GRHL2: variants seen among roughly 807,000 people sequenced by gnomAD.
GRHL2 encodes grainyhead like transcription factor 2, also known as grainyhead-like protein 2 homolog.
Under a neutral mutation model 83.8 loss-of-function variants are expected in GRHL2, and 21 were observed. The observed-to-expected ratio is 0.25, with a 90% CI of 0.18 to 0.36. The LOEUF is 0.36. GRHL2 is among the 10% of genes least tolerant of loss of function. The pLI is 1.00. For synonymous variants in GRHL2, 280 were observed against 278.9 expected (o/e 1.00, Z -0.04); for missense variants, 623 against 781.8 (o/e 0.80, Z 2.42).
chr8:101,671,324 T>G (rs1714761394), downstream of GRHL2, among the ~76,000 whole-genome samples: 1 of 152,148 alleles, frequency 6.6e-6, no homozygotes. Context: ...ATACTGTGCT[T>G]TTCCAATGGG....
intron 5 of GRHL2, 39 bp from the exon 6 acceptor site, chr8:101,573,629 A>G (rs756193268): frequency 1.2e-6 from 2 of 1,613,370 alleles, no homozygotes; most frequent in Non-Finnish European, 1.7e-6. Context: ...AGAAATGTCC[A>G]AGTGAGTGGA....
In GRHL2 at chr8:101,496,927, C is replaced by A. The variant is rs927994114; in HGVS notation, c.20+4138C>A. On this transcript the variant is annotated intron_variant, in intron 1 of 15. Transcript: ENST00000646743. ...TCAGAGTCAGAGATAACGGCACCATCAAATAAATTAACATGATCAGTTCTC... is the reference window on the plus strand; with the variant it reads ...TCAGAGTCAGAGATAACGGCACCATAAAATAAATTAACATGATCAGTTCTC... 2.0e-5 allele frequency among the ~76,000 whole-genome samples: 3 copies of A among 152,236 alleles called. No homozygotes were observed. The South Asian group carries it at 6.2e-4, about 32-fold the overall frequency.
intron 4 of GRHL2, among the ~76,000 whole-genome samples, chr8:101,567,831 A>T (rs1949875): frequency 0.15 from 22,126 of 152,148 alleles, 1,936 homozygotes; most frequent in South Asian, 0.27. Flanking sequence ...ATGCTTTAGG[A>T]GGTTAGCCTA....
intron 8 of GRHL2, among the ~76,000 whole-genome samples, chr8:101,605,949 A>G (rs1812624392): frequency 6.6e-6 from 1 of 152,206 alleles, no homozygotes; most frequent in Non-Finnish European, 1.5e-5. Flanking sequence ...TTATTCATTT[A>G]CATGATCTCT....
downstream of GRHL2, among the ~76,000 whole-genome samples, chr8:101,673,578 T>A (rs1364148332): frequency 2.0e-5 from 3 of 150,120 alleles, no homozygotes; most frequent in East Asian, 5.9e-4. Flanking sequence ...AGCAAGTCCT[T>A]AGAGACCTAC....
intron 1 of GRHL2, 133 bp from the exon 2 acceptor site, chr8:101,543,108 A>G: frequency 1.3e-6 from 1 of 758,916 alleles, no homozygotes; most frequent in Non-Finnish European, 2.3e-6. Context: ...TTAACTTTAA[A>G]CTTCTTCCCT....
intron 1 of GRHL2, among the ~76,000 whole-genome samples, chr8:101,502,247 C>T (rs900651809): frequency 6.6e-5 from 10 of 152,176 alleles, no homozygotes; most frequent in African/African-American, 2.4e-4. Flanking sequence ...TGAATAATTA[C>T]CTGCTCCTAT....
chr8:101,512,886 G>A (rs566586259), intron 1 of GRHL2, among the ~76,000 whole-genome samples: 7 of 152,236 alleles, frequency 4.6e-5, no homozygotes, highest in African/African-American at 1.7e-4. Flanking sequence ...GTAGGCTAAA[G>A]GTCTGAGATC....
intron 1 of GRHL2, among the ~76,000 whole-genome samples, chr8:101,539,465 TG>T (rs1239335417): frequency 6.6e-6 from 1 of 152,090 alleles, no homozygotes; most frequent in African/African-American, 2.4e-5. Context: ...TAATCAATCG[TG>T]GGGGGCCGGT....
intron 1 of GRHL2, among the ~76,000 whole-genome samples, chr8:101,533,155 T>G (rs912900965): frequency 6.6e-6 from 1 of 152,098 alleles, no homozygotes. Flanking sequence ...TTTTTTTAAA[T>G]TTGAAGGGGA....
downstream of GRHL2, among the ~76,000 whole-genome samples, chr8:101,674,297 C>A (rs533771221): frequency 3.3e-5 from 5 of 151,748 alleles, no homozygotes; most frequent in Admixed American, 3.3e-4. Flanking sequence ...TCAACAATAT[C>A]GATAGACCGC....
rs185701298 is a variant in GRHL2 at position 101,508,287 on chromosome 8, G to A, written c.20+15498G>A. ...ATCTGAGAGTAGAATTCCACATTCC[G>A]TCTCTAACAATGCATATTATAATCC... On this transcript the variant is annotated intron_variant, in intron 1 of 15. Coordinates refer to ENST00000646743, the MANE Select transcript of GRHL2 (RefSeq NM_024915.4). 2.5e-3 allele frequency among the ~76,000 whole-genome samples: 385 copies of A among 151,838 alleles called. 1 individual carries two copies. The highest frequency in any genetic ancestry group is 3.4e-3 in the Non-Finnish European group (232 of 68,002).
At chr8:101,524,870 C>G (rs1054649243) in intron 1 of GRHL2, among the ~76,000 whole-genome samples, 15 of 151,730 alleles carry the variant, frequency 9.9e-5, no homozygotes, top group African/African-American at 3.4e-4. Context: ...ATTATAATTG[C>G]TGATATATAG....
At chr8:101,543,656 AT>A in intron 2 of GRHL2, 2 of 576,232 alleles carry the variant, frequency 3.5e-6, no homozygotes, top group East Asian at 3.0e-5. Context: ...TTGGGATAAT[AT>A]TTTTTGTGTT....
At chr8:101,679,713 T>A in the GRHL2 span, among the ~76,000 whole-genome samples, 1 of 151,200 alleles carries the variant, frequency 6.6e-6, no homozygotes, top group Non-Finnish European at 1.5e-5. Flanking sequence ...TCCATCAGAC[T>A]AACAGCTGAT....
chr8:101,510,916 T>C (rs375120282), intron 1 of GRHL2, among the ~76,000 whole-genome samples: 4 of 152,088 alleles, frequency 2.6e-5, no homozygotes, highest in African/African-American at 9.7e-5. Flanking sequence ...CTGGCCAACA[T>C]GGCGAAACCC....
intron 6 of GRHL2, among the ~76,000 whole-genome samples, chr8:101,576,228 T>C (rs1261647965): frequency 6.6e-6 from 1 of 152,130 alleles, no homozygotes; most frequent in South Asian, 2.1e-4. Flanking sequence ...TGGTTTTGGT[T>C]TTTGAGACAG....
intron 9 of GRHL2, among the ~76,000 whole-genome samples, chr8:101,624,284 A>G (rs1209100806): frequency 1.3e-5 from 2 of 151,458 alleles, no homozygotes; most frequent in African/African-American, 2.4e-5. Flanking sequence ...ACATAGTAGG[A>G]CAGTTTCCAT....
chr8:101,565,458 C>A (rs1811698287), intron 4 of GRHL2, among the ~76,000 whole-genome samples: 1 of 152,236 alleles, frequency 6.6e-6, no homozygotes, highest in African/African-American at 2.4e-5. Flanking sequence ...AATATTATTT[C>A]TTGCTAATAA....
Sources: gnomAD v4.1 joint callset for allele counts (sites outside exome capture counted in the v4.1 genomes callset) on GRCh38, gnomAD v4.1.1 for gene constraint, MANE v1.5 for transcripts, NCBI Gene and HGNC (gene_info 2026-07-23, HGNC 2026-07-21) for gene names.